NPLOC4: variants seen among roughly 807,000 people sequenced by gnomAD.
The protein encoded by NPLOC4 is NPL4 homolog, ubiquitin recognition factor.
Under a neutral mutation model 80.6 loss-of-function variants are expected in NPLOC4, and 18 were observed. The ratio of observed to expected loss-of-function variants is 0.22; its 90% CI spans 0.15 to 0.33. The LOEUF (loss-of-function observed/expected upper bound fraction) is 0.33. Among genes scored for constraint, NPLOC4 ranks in the 10% least tolerant of loss-of-function variants. The pLI, the probability that NPLOC4 is intolerant of heterozygous loss-of-function variation, is 1.00. For synonymous variants in NPLOC4, 313 were observed against 301.5 expected (o/e 1.04, Z -0.39); for missense variants, 540 against 786.1 (o/e 0.69, Z 3.74).
chr17:81,602,950 CAT>C (rs1034304919), intron 8 of NPLOC4, among the ~76,000 whole-genome samples: 35 of 146,870 alleles, frequency 2.4e-4, no homozygotes, highest in African/African-American at 7.9e-4. Flanking sequence ...TATACACACA[CAT>C]ATATATACAC....
At chr17:81,583,115 T>C (rs756669756) in intron 12 of NPLOC4, among the ~76,000 whole-genome samples, 3 of 152,276 alleles carry the variant, frequency 2.0e-5, no homozygotes, top group Non-Finnish European at 4.4e-5. Context: ...TTCTTCCTAA[T>C]TATCAAGAGA....
chr17:81,615,429 T>A (rs529338135), intron 3 of NPLOC4, among the ~76,000 whole-genome samples: 1 of 152,112 alleles, frequency 6.6e-6, no homozygotes, highest in Non-Finnish European at 1.5e-5. Flanking sequence ...GCAGATTACA[T>A]ATTCCTAAAC....
At chr17:81,570,485 T>C (rs1035027211) in intron 13 of NPLOC4, among the ~76,000 whole-genome samples, 1 of 152,012 alleles carries the variant, frequency 6.6e-6, no homozygotes, top group African/African-American at 2.4e-5. Flanking sequence ...TGCTAGTGAG[T>C]GAGCTAGTGG....
Position 81,565,543 on chromosome 17 carries a change from T to C in NPLOC4, c.1631A>G (p.Lys544Arg). 1 of 1,555,594 alleles carries C rather than the reference T, an allele frequency of 6.4e-7. No homozygotes were observed. The highest frequency in any genetic ancestry group is 1.9e-5 in the Admixed American group (1 of 52,156). The change falls in exon 16 of 17, where the codon AAG becomes AGG. Residue 544 changes from lysine (K) to arginine (R), a missense_variant. Coordinates refer to ENST00000331134, the MANE Select transcript of NPLOC4 (RefSeq NM_017921.4). ...TRNEELAQTW[K>R]RSEQWATIEQ... ...GATGGTGGCCCACTGCTCAGACCTC[T>C]TCCATGTCTGGGCGAGCTCCTCATT...
rs1391876060 is a variant in NPLOC4, at chr17:81,557,536, G to C, written c.*1723C>G. The stretch of plus-strand genomic sequence containing the variant: ...TAGAAGTCCGTGCTGTCCAGCCTCT[G>C]CCCAGTGGTGGGGGAAGGCCTTGGA... On this transcript the variant is annotated 3_prime_UTR_variant, in exon 17 of 17. Coordinates refer to ENST00000331134, the MANE Select transcript of NPLOC4 (RefSeq NM_017921.4). The C allele has an allele frequency of 1.3e-5, 2 of 152,292 alleles. No homozygotes were observed. Among genetic ancestry groups the C allele is most frequent in the Non-Finnish European group, 2.9e-5 (2 of 68,096 alleles). The allele number at this position is 152,292 out of a possible 1,614,324, so 9.4% of individuals were successfully genotyped here.
At chr17:81,574,898 C>T (rs62073407) in intron 12 of NPLOC4, among the ~76,000 whole-genome samples, 1 of 150,742 alleles carries the variant, frequency 6.6e-6, no homozygotes. Context: ...CACACACACA[C>T]ACAAACACAA....
chr17:81,616,300 G>A (rs369821874), intron 3 of NPLOC4, among the ~76,000 whole-genome samples: 5 of 106,550 alleles, frequency 4.7e-5, no homozygotes, highest in Admixed American at 2.5e-4. Flanking sequence ...CAGCCTGGGC[G>A]ACATAGCAAG....
At chr17:81,574,874 CAA>C (rs1491299250) in intron 12 of NPLOC4, among the ~76,000 whole-genome samples, 2 of 131,682 alleles carry the variant, frequency 1.5e-5, no homozygotes, top group African/African-American at 5.2e-5. Flanking sequence ...AACAAACAAA[CAA>C]ACACACACAC....
At chr17:81,614,658 A>C (rs1218090333) in intron 3 of NPLOC4, among the ~76,000 whole-genome samples, 1 of 151,680 alleles carries the variant, frequency 6.6e-6, no homozygotes, top group Non-Finnish European at 1.5e-5. Context: ...TTCAGTCTGA[A>C]GTGTGTTCTT....
In NPLOC4 at chr17:81,565,517, C is replaced by T; in HGVS notation, c.1657G>A (p.Glu553Lys). Residue 553 changes from glutamate (E) to lysine (K), a missense_variant, in exon 16 of 17, where the codon GAG (glutamate) becomes AAG (lysine). By Grantham distance (56) the Glu-to-Lys change is moderately conservative. Around this residue, in one of 6 missense-constraint regions of NPLOC4, gnomAD observed 251 missense variants for 377.5 expected, o/e 0.66. Transcript: ENST00000331134. ...TGGGGGTACTCACTGCACAGCTGCT[C>T]GATGGTGGCCCACTGCTCAGACCTC... ...WKRSEQWATIEQLCSTVGGQL... is the reference protein window; with the variant it reads ...WKRSEQWATIKQLCSTVGGQL... The T allele has an allele frequency of 1.3e-6, 2 of 1,550,742 alleles. No individual in the cohort carries two copies. Among genetic ancestry groups the T allele is most frequent in the Non-Finnish European group, 1.7e-6 (2 of 1,148,500 alleles).
At chr17:81,575,547 G>A (rs537434615) in intron 12 of NPLOC4, among the ~76,000 whole-genome samples, 79 of 152,314 alleles carry the variant, frequency 5.2e-4, no homozygotes, top group Middle Eastern at 6.8e-3. Flanking sequence ...CTGGTCACAG[G>A]CACTACTGCT....
At chr17:81,623,364 AG>A (rs1221475503) in intron 2 of NPLOC4, among the ~76,000 whole-genome samples, 8 of 145,250 alleles carry the variant, frequency 5.5e-5, no homozygotes, top group Non-Finnish European at 9.0e-5. Flanking sequence ...GCTACCCGGG[AG>A]GCTGAGGCAG....
In NPLOC4 at chr17:81,596,222, T is replaced by C; in HGVS notation, c.1014A>G (p.Ser338=). The change falls in exon 11 of 17, where the codon TCA becomes TCG. Residue 338 remains serine (S), a synonymous_variant. Transcript: ENST00000331134. ...SRNKDTYFLS[S]EECITAGDFQ... is the part of the protein sequence containing the mutation. Reference sequence around the variant, plus strand: ...AGTCTCCTGCAGTGATGCACTCTTCTGAACTTAGGAAATAGGTGTCCTAAG... The same window carrying C: ...AGTCTCCTGCAGTGATGCACTCTTCCGAACTTAGGAAATAGGTGTCCTAAG... 1 of 1,613,418 alleles carries C rather than the reference T, an allele frequency of 6.2e-7. No homozygotes were observed. Among genetic ancestry groups the C allele is most frequent in the Non-Finnish European group, 8.5e-7 (1 of 1,179,514 alleles).
At chr17:81,599,317 A>G (rs2035005653) in intron 9 of NPLOC4, among the ~76,000 whole-genome samples, 1 of 152,110 alleles carries the variant, frequency 6.6e-6, no homozygotes, top group Admixed American at 6.6e-5. Context: ...ATAAAAAGAG[A>G]AACTTGTGTC....
chr17:81,607,763 C>T (rs2035244371), intron 6 of NPLOC4, among the ~76,000 whole-genome samples: 8 of 152,176 alleles, frequency 5.3e-5, no homozygotes, highest in Admixed American at 5.2e-4. Context: ...ACAGCTTTCC[C>T]CACTGACAAG....
chr17:81,565,306 A>G (rs2033976356), intron 16 of NPLOC4, 199 bp downstream of exon 16: 1 of 703,218 alleles, frequency 1.4e-6, no homozygotes, highest in South Asian at 1.5e-5. Flanking sequence ...GGCCTGGACA[A>G]CATGTCTGCT....
At chr17:81,587,627 CT>C (rs1334665609) in intron 12 of NPLOC4, among the ~76,000 whole-genome samples, 1 of 66,780 alleles carries the variant, frequency 1.5e-5, no homozygotes, top group Non-Finnish European at 2.7e-5. Flanking sequence ...CACCCTGTCT[CT>C]TTAAAAAAAA....
intron 16 of NPLOC4, chr17:81,565,251 T>C: frequency 1.5e-6 from 1 of 677,306 alleles, no homozygotes; most frequent in Non-Finnish European, 2.7e-6. Context: ...GTATCTCTGA[T>C]GTACAGGTTT....
At chr17:81,602,912 T>C (rs1467194990) in intron 8 of NPLOC4, among the ~76,000 whole-genome samples, 2 of 142,054 alleles carry the variant, frequency 1.4e-5, no homozygotes, top group African/African-American at 2.7e-5. Flanking sequence ...CATACATATA[T>C]ATGTATATAT....
Sources: gnomAD v4.1 joint callset for allele counts (sites outside exome capture counted in the v4.1 genomes callset) on GRCh38, gnomAD v4.1.1 for gene constraint, gnomAD v4.1.1 regional missense constraint, MANE v1.5 for transcripts, NCBI Gene and HGNC (gene_info 2026-07-23, HGNC 2026-07-21) for gene names.